The following FSTL4 variants were observed in gnomAD, a reference collection of about 807,000 sequenced individuals.
FSTL4 encodes follistatin-related protein 4.
Under a neutral mutation model 78.2 loss-of-function variants are expected in FSTL4, and 28 were observed. That is an observed-to-expected ratio of 0.36 (90% CI 0.27 to 0.49). The LOEUF (loss-of-function observed/expected upper bound fraction) is 0.49. Ranked by LOEUF, FSTL4 falls within the 20% of genes least tolerant of loss-of-function variation. The pLI, the probability that FSTL4 is intolerant of heterozygous loss-of-function variation, is 0.98. For missense variants in FSTL4, 922 were observed against 1,084.9 expected, an observed-to-expected ratio of 0.85 and a Z score of 2.11; for synonymous variants, 422 against 440.5, an observed-to-expected ratio of 0.96 and a Z score of 0.53.
intron 15 of FSTL4, among the ~76,000 whole-genome samples, chr5:133,201,075 G>T (rs1239073943): frequency 6.6e-6 from 1 of 152,180 alleles, no homozygotes; most frequent in Non-Finnish European, 1.5e-5. Flanking sequence ...TTGGGTGAGG[G>T]TGAATGGGTG....
chr5:133,370,597 C>T (rs894401733), intron 4 of FSTL4, among the ~76,000 whole-genome samples: 3 of 151,970 alleles, frequency 2.0e-5, no homozygotes, highest in African/African-American at 7.3e-5. Flanking sequence ...TGAGGACAGG[C>T]TCGGGGAAGG....
chr5:133,749,698 A>T, the FSTL4 span, among the ~76,000 whole-genome samples: 1 of 152,178 alleles, frequency 6.6e-6, no homozygotes, highest in African/African-American at 2.4e-5. Context: ...TGAAGAGGGG[A>T]CAGAGCTGGA....
chr5:133,262,602 C>A (rs1395478943), intron 6 of FSTL4, among the ~76,000 whole-genome samples: 1 of 152,200 alleles, frequency 6.6e-6, no homozygotes, highest in African/African-American at 2.4e-5. Flanking sequence ...TTCCAAGCGC[C>A]TGTCTCTGGT....
At chr5:133,610,574 T>C (rs1268114978) in intron 1 of FSTL4, among the ~76,000 whole-genome samples, 1 of 152,224 alleles carries the variant, frequency 6.6e-6, no homozygotes, top group Admixed American at 6.5e-5. Flanking sequence ...GTAGGGCATC[T>C]GCTCGTATGT....
the FSTL4 span, among the ~76,000 whole-genome samples, chr5:133,708,406 C>T: frequency 6.6e-6 from 1 of 152,140 alleles, no homozygotes; most frequent in Non-Finnish European, 1.5e-5. Flanking sequence ...TATACTAGGG[C>T]TACTCCCCAG....
chr5:133,683,705 T>C, the FSTL4 span, among the ~76,000 whole-genome samples: 2 of 152,222 alleles, frequency 1.3e-5, no homozygotes, highest in Non-Finnish European at 2.9e-5. Flanking sequence ...ATTGAAAACA[T>C]AACCAAGGAC....
the FSTL4 span, among the ~76,000 whole-genome samples, chr5:133,823,653 C>A: frequency 6.6e-6 from 1 of 152,202 alleles, no homozygotes; most frequent in African/African-American, 2.4e-5. Flanking sequence ...CCAGGGGAGT[C>A]CTGCTTGGCC....
At chr5:133,373,138 G>A (rs796142973) in intron 4 of FSTL4, among the ~76,000 whole-genome samples, 1 of 152,134 alleles carries the variant, frequency 6.6e-6, no homozygotes, top group South Asian at 2.1e-4. Flanking sequence ...CCAAAAAGGT[G>A]GAATAAAATT....
At chr5:133,507,772 C>T (rs912587318) in intron 3 of FSTL4, among the ~76,000 whole-genome samples, 2 of 151,920 alleles carry the variant, frequency 1.3e-5, no homozygotes, top group Non-Finnish European at 2.9e-5. Flanking sequence ...CCGCCCTCCT[C>T]GGCCTCCTAA....
chr5:133,309,318 T>C (rs1294274859), intron 6 of FSTL4, among the ~76,000 whole-genome samples: 2 of 152,090 alleles, frequency 1.3e-5, no homozygotes, highest in East Asian at 3.9e-4. Context: ...CAGCCTGTGG[T>C]TTGGGAAGCC....
intron 2 of FSTL4, among the ~76,000 whole-genome samples, chr5:133,573,498 A>G (rs1469800243): frequency 6.6e-6 from 1 of 152,224 alleles, no homozygotes; most frequent in African/African-American, 2.4e-5. Flanking sequence ...CATAATTAGA[A>G]AAGGAACAAC....
At chr5:133,658,954 C>G in the FSTL4 span, among the ~76,000 whole-genome samples, 1 of 152,048 alleles carries the variant, frequency 6.6e-6, no homozygotes, top group African/African-American at 2.4e-5. Flanking sequence ...AATTTAATAG[C>G]ATCATGGTCA....
chr5:133,808,559 C>T, the FSTL4 span, among the ~76,000 whole-genome samples: 2,570 of 152,224 alleles, frequency 0.017, 83 homozygotes, highest in African/African-American at 0.058. Flanking sequence ...GTGTGAACTT[C>T]GCAGTATTAA....
chr5:133,266,038 T>C (rs1752633338), intron 6 of FSTL4, among the ~76,000 whole-genome samples: 1 of 152,082 alleles, frequency 6.6e-6, no homozygotes. Flanking sequence ...CCACATAGAG[T>C]GGCTAAGCCC....
At chr5:133,627,923 A>T in the FSTL4 span, among the ~76,000 whole-genome samples, 1 of 151,790 alleles carries the variant, frequency 6.6e-6, no homozygotes, top group Non-Finnish European at 1.5e-5. Flanking sequence ...TTTTGAGTAT[A>T]TCTCTTTGTA....
the FSTL4 span, among the ~76,000 whole-genome samples, chr5:133,692,359 C>T: frequency 1.4e-4 from 21 of 152,106 alleles, no homozygotes; most frequent in South Asian, 4.1e-4. Context: ...CATTTGGTTA[C>T]GGGGAACCAC....
chr5:133,783,129 C>G, the FSTL4 span, among the ~76,000 whole-genome samples: 3 of 152,176 alleles, frequency 2.0e-5, no homozygotes, highest in East Asian at 5.8e-4. Context: ...CCCAAGTACA[C>G]AAACTCCCAA....
At chr5:133,663,599 C>T in the FSTL4 span, among the ~76,000 whole-genome samples, 4 of 152,206 alleles carry the variant, frequency 2.6e-5, no homozygotes, top group Admixed American at 6.5e-5. Flanking sequence ...TTGCTGCACA[C>T]GTGGTCTCAT....
rs143771184 is a variant in FSTL4, at chr5:133,383,186, T to C, written c.409+17552A>G. ...ACAGCTCTTCCTGTGGCCCACATCCTGCACTTCCTCCTGGCCATTCCAGAG... is the reference window on the plus strand; with the variant it reads ...ACAGCTCTTCCTGTGGCCCACATCCCGCACTTCCTCCTGGCCATTCCAGAG... On this transcript the variant is annotated intron_variant, in intron 4 of 15. Transcript: ENST00000265342. Among the ~76,000 whole-genome samples, 751 of 152,312 alleles carry C rather than the reference T, an allele frequency of 4.9e-3. 2 individuals are homozygous for C. The highest frequency in any genetic ancestry group is 8.1e-3 in the South Asian group (39 of 4,824).
Sources: allele counts gnomAD v4.1 joint callset (sites outside exome capture counted in the v4.1 genomes callset), GRCh38; gene constraint gnomAD v4.1.1; transcripts MANE v1.5; gene names NCBI Gene and HGNC (gene_info 2026-07-23, HGNC 2026-07-21).